Variants in SLC25A10 observed in about 807,000 individuals in gnomAD.
The protein encoded by SLC25A10 is solute carrier family 25 member 10, also known as mitochondrial dicarboxylate carrier.
A neutral mutation model predicts 40.4 loss-of-function variants in SLC25A10; 32 were observed. The ratio of observed to expected loss-of-function variants is 0.79; its 90% CI spans 0.60 to 1.06. The LOEUF (loss-of-function observed/expected upper bound fraction) is 1.06, where lower values mean the gene tolerates loss of function less well. Ranked by LOEUF, SLC25A10 falls within the 50% of genes least tolerant of loss-of-function variation. The probability of loss-of-function intolerance (pLI) is 0.00; values close to 1 mark genes in which losing one functional copy is unlikely to be tolerated. For missense variants in SLC25A10, 394 were observed against 402.6 expected (o/e 0.98, Z 0.18); for synonymous variants, 181 against 171.1 (o/e 1.06, Z -0.45).
rs1321302118 is a variant in SLC25A10, at chr17:81,712,435, C to T, written c.9C>T (p.Ala3=). 4 of 1,303,026 alleles carry T rather than the reference C, an allele frequency of 3.1e-6. No homozygotes were observed. Among genetic ancestry groups the T allele is most frequent in the East Asian group, 6.3e-5 (2 of 31,958 alleles). The allele number at this position is 1,303,026 out of a possible 1,614,324, so 80.7% of individuals were successfully genotyped here. A position where few individuals can be genotyped will look rare whatever the true frequency, so the allele number is the denominator to read the frequency against. Residue 3 remains alanine (A), a synonymous_variant, in exon 1 of 11, where the codon GCC becomes GCT. Coordinates refer to ENST00000350690, the MANE Select transcript of SLC25A10 (RefSeq NM_012140.5). ...TTGGGCTCTCCTGGGCCATGGCAGCCGAGGCGCGCGTGTCGCGCTGGTACT... is the reference window on the plus strand; with the variant it reads ...TTGGGCTCTCCTGGGCCATGGCAGCTGAGGCGCGCGTGTCGCGCTGGTACT... MA[A]EARVSRWYFG... is the part of the protein sequence containing the mutation.
chr17:81,717,798 G>T lies in SLC25A10; in HGVS notation c.642G>T (p.Thr214=). Residue 214 remains threonine (T), a synonymous_variant, in exon 9 of 11, where the codon ACG becomes ACT. Transcript: ENST00000350690. The part of the protein sequence containing the change: ...VASFIAGGCA[T]FLCQPLDVLK... ...CCCCTCCTCAGGGTGGATGTGCCAC[G>T]TTCCTGTGCCAGCCCCTGGATGTGC... 6.2e-7 allele frequency: 1 copy of T among 1,611,932 alleles called. No individual in the cohort carries two copies. The highest frequency in any genetic ancestry group is 8.5e-7 in the Non-Finnish European group (1 of 1,179,682).
Position 81,720,465 on chromosome 17 carries a change from A to G in SLC25A10, c.*388A>G, listed in dbSNP as rs912603300. ...CATCTTCCAGCACTTTCCATCGAGG[A>G]CTTGGGTGGCAGAGTGTGGGTGCAG... is the stretch of plus-strand genomic sequence containing the variant. On this transcript the variant is annotated 3_prime_UTR_variant, in exon 11 of 11. Transcript: ENST00000350690. The G allele has an allele frequency of 1.8e-5, 24 of 1,327,314 alleles. No individual in the cohort carries two copies. The highest frequency in any genetic ancestry group is 3.6e-5 in the Admixed American group (1 of 27,756). 82.2% of individuals were successfully genotyped at this position (1,327,314 alleles called of 1,614,324 possible).
chr17:81,713,317 A>G (rs576382362), intron 1 of SLC25A10: 1 of 289,934 alleles, frequency 3.4e-6, no homozygotes, highest in South Asian at 1.3e-4. Context: ...AACAAAGAAG[A>G]AAGGGCCTGA....
At chr17:81,718,395 G>A (rs927686338) in intron 9 of SLC25A10, among the ~76,000 whole-genome samples, 1 of 152,010 alleles carries the variant, frequency 6.6e-6, no homozygotes, top group Admixed American at 6.5e-5. Context: ...TGAGGCAGGA[G>A]AATCGCTTGA....
chr17:81,713,457 G>T, intron 1 of SLC25A10: 1 of 985,422 alleles, frequency 1.0e-6, no homozygotes, highest in Non-Finnish European at 1.2e-6. Context: ...GCCTTTGAGG[G>T]GACTGGCTTT....
chr17:81,715,347 A>G (rs2037462646), intron 2 of SLC25A10, 131 bp from the exon 3 acceptor site: 1 of 858,918 alleles, frequency 1.2e-6, no homozygotes. Flanking sequence ...ATGCTGGCAC[A>G]GTGGCCTTGG....
At chr17:81,713,963 G>A (rs1568228432) in intron 1 of SLC25A10, among the ~76,000 whole-genome samples, 1 of 152,200 alleles carries the variant, frequency 6.6e-6, no homozygotes, top group African/African-American at 2.4e-5. Flanking sequence ...CCTGGCCGTC[G>A]GAAAGATCTT....
chr17:81,712,672 G>T (rs112926076), intron 1 of SLC25A10, among the ~76,000 whole-genome samples, 153 bp downstream of exon 1: 22 of 152,156 alleles, frequency 1.4e-4, no homozygotes, highest in Non-Finnish European at 3.1e-4. Flanking sequence ...CCGGATGGCC[G>T]ATCCCGGGTG....
In SLC25A10 at chr17:81,715,472, C is replaced by T. The variant is rs369343223; in HGVS notation, c.214-6C>T. ...CGTCCCTCCAAGCCAGGCCCTTCTC[C>T]CCCAGATGACCTACTCCCTGACTCG... On this transcript the variant is annotated splice_polypyrimidine_tract_variant and splice_region_variant and intron_variant, in intron 2 of 10. Coordinates refer to ENST00000350690, the MANE Select transcript of SLC25A10 (RefSeq NM_012140.5). 1 of 1,610,642 alleles carries T rather than the reference C, an allele frequency of 6.2e-7. No individual in the cohort carries two copies. Among genetic ancestry groups the T allele is most frequent in the South Asian group, 1.1e-5 (1 of 91,038 alleles).
In SLC25A10 at chr17:81,715,483, C is replaced by G; in HGVS notation, c.219C>G (p.Thr73=). Residue 73 remains threonine (T), a synonymous_variant, in exon 3 of 11, where the codon ACC becomes ACG. Transcript: ENST00000350690. ...GCCAGGCCCTTCTCCCCCAGATGAC[C>G]TACTCCCTGACTCGGTTCGCCATCT... ...GLSASLCRQM[T]YSLTRFAIYE... 1 of 1,612,388 alleles carries G rather than the reference C, an allele frequency of 6.2e-7. No homozygotes were observed. The highest frequency in any genetic ancestry group is 2.2e-5 in the East Asian group (1 of 44,862).
In SLC25A10 at chr17:81,717,832, C is replaced by G. The variant is rs753042772; in HGVS notation, c.676C>G (p.Arg226Gly). ...CCAGCCCCTGGATGTGCTGAAGACTCGCCTGATGAACTCCAAGGGGGAGTA... is the reference window on the plus strand; with the variant it reads ...CCAGCCCCTGGATGTGCTGAAGACTGGCCTGATGAACTCCAAGGGGGAGTA... ...LCQPLDVLKT[R>G]LMNSKGEYQG... Residue 226 changes from arginine (R) to glycine (G), a missense_variant, in exon 9 of 11, where the codon CGC (arginine) becomes GGC (glycine). Arg to Gly is a moderately radical substitution (Grantham distance 125, BLOSUM62 -2). Coordinates refer to ENST00000350690, the MANE Select transcript of SLC25A10 (RefSeq NM_012140.5). 6.2e-7 allele frequency: 1 copy of G among 1,611,676 alleles called. No homozygotes were observed. The highest frequency in any genetic ancestry group is 8.5e-7 in the Non-Finnish European group (1 of 1,179,528).
intron 8 of SLC25A10, 139 bp downstream of exon 8, chr17:81,717,630 C>G (rs984047904): frequency 7.0e-6 from 9 of 1,293,286 alleles, no homozygotes; most frequent in Admixed American, 1.9e-5. Context: ...AGTGGGGTGC[C>G]AGGGCTTTGG....
Position 81,712,491 on chromosome 17 carries a change from G to A in SLC25A10, c.65G>A (p.Cys22Tyr), listed in dbSNP as rs1437243543. Residue 22 changes from cysteine (C) to tyrosine (Y), a missense_variant, in exon 1 of 11, where the codon TGC becomes TAC. Physicochemically the swap from Cys to Tyr is radical, Grantham distance 194. Transcript: ENST00000350690. ...FGGLASCGAA[C>Y]CTHPLDLLKV... ...GGGCTGGCCTCCTGCGGGGCCGCCT[G>A]CTGCACGCACCCGCTGGACCTGCTC... 2 of 1,304,050 alleles carry A rather than the reference G, an allele frequency of 1.5e-6. No individual in the cohort carries two copies. Among genetic ancestry groups the A allele is most frequent in the East Asian group, 3.1e-5 (1 of 32,158 alleles). 80.8% of individuals were successfully genotyped at this position (1,304,050 alleles called of 1,614,324 possible).
At position 81,715,709 on chromosome 17, in the gene SLC25A10, C is replaced by T. The variant is rs199916012; in HGVS notation, c.345C>T (p.Phe115=). 144 of 1,613,348 alleles carry T rather than the reference C, an allele frequency of 8.9e-5. No homozygotes were observed. In the African/African-American group the frequency reaches 1.7e-3, roughly 19 times the overall value. ...TCACCGCAGGTTTAGCTGGAGGCTT[C>T]GTGGGGACGCCCGCAGACTTGGTCA... The part of the protein sequence containing the change: ...LGSVSGLAGG[F]VGTPADLVNV... Residue 115 remains phenylalanine, a synonymous_variant, in exon 4 of 11, where the codon TTC becomes TTT. Transcript: ENST00000350690.
At chr17:81,715,928 C>G in intron 4 of SLC25A10, 81 bp from the exon 5 acceptor site, 1 of 1,487,912 alleles carries the variant, frequency 6.7e-7, no homozygotes. Context: ...CCCCGCTGAC[C>G]AGCGTGAGCT....
At position 81,715,549 on chromosome 17, in the gene SLC25A10, G is replaced by A. The variant is rs1568229683; in HGVS notation, c.285G>A (p.Gly95=). Residue 95 remains glycine, a synonymous_variant, in exon 3 of 11, where the codon GGG becomes GGA. Coordinates refer to ENST00000350690, the MANE Select transcript of SLC25A10 (RefSeq NM_012140.5). Reference sequence around the variant, plus strand: ...ACCGTGTGGCCAAGGGCAGCCAGGGGCCTCTCCCCTTCCACGAGAAGGTGT... The same window carrying A: ...ACCGTGTGGCCAAGGGCAGCCAGGGACCTCTCCCCTTCCACGAGAAGGTGT... ...VRDRVAKGSQ[G]PLPFHEKVLL... 3 of 1,612,978 alleles carry A rather than the reference G, an allele frequency of 1.9e-6. No homozygotes were observed. The highest frequency in any genetic ancestry group is 1.7e-6 in the Non-Finnish European group (2 of 1,179,872).
At position 81,717,420 on chromosome 17, in the gene SLC25A10, A is replaced by G; in HGVS notation, c.556A>G (p.Lys186Glu). The G allele has an allele frequency of 6.2e-7, 1 of 1,613,502 alleles. No individual in the cohort carries two copies. The highest frequency in any genetic ancestry group is 8.5e-7 in the Non-Finnish European group (1 of 1,179,920). The change falls in exon 8 of 11, where the codon AAG becomes GAG. Residue 186 changes from lysine (K) to glutamate (E), a missense_variant. Coordinates refer to ENST00000350690, the MANE Select transcript of SLC25A10 (RefSeq NM_012140.5). ...VGQLSCYDQA[K>E]QLVLSTGYLS... is the part of the protein sequence containing the mutation. ...GCAGCTGTCCTGCTACGACCAGGCCAAGCAGCTGGTCCTTAGCACCGGGTA... is the reference window on the plus strand; with the variant it reads ...GCAGCTGTCCTGCTACGACCAGGCCGAGCAGCTGGTCCTTAGCACCGGGTA...
Position 81,713,457 on chromosome 17 carries a change from G to GGACT in SLC25A10, c.93+940_93+943dup, listed in dbSNP as rs1249144002. The GGACT allele has an allele frequency of 4.1e-6, 4 of 985,422 alleles. No homozygotes were observed. In the African/African-American group the frequency reaches 7.0e-5, roughly 17 times the overall value. The allele number at this position is 985,422 out of a possible 1,614,324, so 61.0% of individuals were successfully genotyped here. ...ACTTGTATTCCAGCAGCCTTTGAGG[G>GGACT]GACTGGCTTTACTAATGAGCAACAA... On this transcript the variant is annotated intron_variant, in intron 1 of 10. Coordinates refer to ENST00000350690, the MANE Select transcript of SLC25A10 (RefSeq NM_012140.5).
chr17:81,719,408 A>G (rs2037547454), intron 9 of SLC25A10, among the ~76,000 whole-genome samples: 1 of 152,210 alleles, frequency 6.6e-6, no homozygotes, highest in Non-Finnish European at 1.5e-5. Context: ...GGTGCCGTTC[A>G]TGGCAGTCTG....
Sources: allele counts gnomAD v4.1 joint callset (sites outside exome capture counted in the v4.1 genomes callset), GRCh38; gene constraint gnomAD v4.1.1; transcripts MANE v1.5; gene names NCBI Gene and HGNC (gene_info 2026-07-23, HGNC 2026-07-21).